The following GRM8 variants were observed in gnomAD, a reference collection of about 807,000 sequenced individuals.
The protein encoded by GRM8 is glutamate metabotropic receptor 8, also known as metabotropic glutamate receptor 8.
A neutral mutation model predicts 87.2 loss-of-function variants in GRM8; 47 were observed. That is an observed-to-expected ratio of 0.54 (90% CI 0.43 to 0.69). The LOEUF (loss-of-function observed/expected upper bound fraction) is 0.69, where lower values mean the gene tolerates loss of function less well. GRM8 is among the 30% of genes least tolerant of loss of function. GRM8 has a pLI of 0.00. For synonymous variants in GRM8, 396 were observed against 404.5 expected (o/e 0.98, Z 0.25); for missense variants, 1,019 against 1,139.2 (o/e 0.89, Z 1.52).
Position 126,863,031 on chromosome 7 carries a change from A to G in GRM8, c.1156+39511T>C, listed in dbSNP as rs79733363. 1.2e-3 allele frequency among the ~76,000 whole-genome samples: 186 copies of G among 152,028 alleles called. 1 individual carries two copies. The highest frequency in any genetic ancestry group is 4.4e-3 in the African/African-American group (181 of 41,498). On this transcript the variant is annotated intron_variant, in intron 6 of 10. Coordinates refer to ENST00000339582, the MANE Select transcript of GRM8 (RefSeq NM_000845.3). ...GAGGTTCTCTGCTATTCCTCCTCTA[A>G]CTGCTTGGGTTGAACCTTCTTTTAT...
chr7:126,655,471 T>C (rs916061336), intron 7 of GRM8, among the ~76,000 whole-genome samples: 1 of 150,418 alleles, frequency 6.6e-6, no homozygotes, highest in African/African-American at 2.4e-5. Context: ...ATTATGGTCT[T>C]TCTCTCTCTC....
At chr7:126,531,010 T>G (rs58840137) in intron 9 of GRM8, among the ~76,000 whole-genome samples, 2,074 of 152,274 alleles carry the variant, frequency 0.014, 52 homozygotes, top group African/African-American at 0.047. Flanking sequence ...GATAGGGTCT[T>G]GTTATGTTTC....
chr7:127,097,094 A>C (rs751680345), intron 3 of GRM8, among the ~76,000 whole-genome samples: 4 of 152,128 alleles, frequency 2.6e-5, no homozygotes, highest in South Asian at 2.1e-4. Context: ...GGATCTTTCC[A>C]CTAAGAAAAA....
chr7:126,771,845 T>C (rs1818873961), intron 6 of GRM8, among the ~76,000 whole-genome samples: 1 of 152,082 alleles, frequency 6.6e-6, no homozygotes, highest in Admixed American at 6.6e-5. Context: ...ACAGGGAAGA[T>C]TACTTCTCAA....
intron 2 of GRM8, among the ~76,000 whole-genome samples, chr7:127,232,205 G>A (rs1237389243): frequency 6.8e-6 from 1 of 147,238 alleles, no homozygotes; most frequent in Non-Finnish European, 1.5e-5. Context: ...GTGTGTGTGT[G>A]TGTGTGTGAG....
chr7:127,119,518 G>GCACACA (rs1478056417), intron 2 of GRM8, among the ~76,000 whole-genome samples: 1 of 144,280 alleles, frequency 6.9e-6, no homozygotes, highest in African/African-American at 2.7e-5. Context: ...ACACACACAT[G>GCACACA]CACACACACA....
intron 9 of GRM8, among the ~76,000 whole-genome samples, chr7:126,485,983 C>A (rs1807308512): frequency 6.6e-6 from 1 of 151,964 alleles, no homozygotes; most frequent in Non-Finnish European, 1.5e-5. Flanking sequence ...AGTCACGTAC[C>A]TCTACACTTG....
At chr7:127,026,870 C>G (rs1816835579) in intron 3 of GRM8, among the ~76,000 whole-genome samples, 2 of 151,988 alleles carry the variant, frequency 1.3e-5, no homozygotes, top group African/African-American at 4.8e-5. Flanking sequence ...TGGCTTTTGT[C>G]ATCATTGCTT....
rs183142759 is a variant in GRM8, at chr7:127,236,823, T to G, written c.510+5872A>C. Among the ~76,000 whole-genome samples, 150 of 152,362 alleles carry G rather than the reference T, an allele frequency of 9.8e-4. 3 individuals carry two copies. Among genetic ancestry groups the G allele is most frequent in the Admixed American group, 9.5e-3 (145 of 15,300 alleles). On this transcript the variant is annotated intron_variant, in intron 2 of 10. Coordinates refer to ENST00000339582, the MANE Select transcript of GRM8 (RefSeq NM_000845.3). ...TAGAGAGATATGATTTATTCATTCATTCATTATTTCTCTGACAGGCCCATG... is the reference window on the plus strand; with the variant it reads ...TAGAGAGATATGATTTATTCATTCAGTCATTATTTCTCTGACAGGCCCATG...
intron 3 of GRM8, among the ~76,000 whole-genome samples, chr7:127,101,456 C>T (rs1210003049): frequency 6.6e-6 from 1 of 152,124 alleles, no homozygotes; most frequent in African/African-American, 2.4e-5. Context: ...GGGGCAAAGC[C>T]CTCATGGCTT....
chr7:126,555,227 A>G (rs1426733106), intron 8 of GRM8, among the ~76,000 whole-genome samples: 4 of 152,246 alleles, frequency 2.6e-5, no homozygotes, highest in Non-Finnish European at 5.9e-5. Context: ...TTTATAGTCG[A>G]TCCCATGACA....
chr7:126,987,619 C>A (rs1812231934), intron 3 of GRM8, among the ~76,000 whole-genome samples: 1 of 152,060 alleles, frequency 6.6e-6, no homozygotes, highest in Non-Finnish European at 1.5e-5. Context: ...TGCCACCACG[C>A]CCGGCTAATT....
At chr7:127,000,873 C>A (rs1418562059) in intron 3 of GRM8, among the ~76,000 whole-genome samples, 1 of 151,574 alleles carries the variant, frequency 6.6e-6, no homozygotes, top group African/African-American at 2.4e-5. Flanking sequence ...TTTTACTATA[C>A]TAAAACACCC....
chr7:126,623,132 A>AAGGACTTC (rs3835342), intron 7 of GRM8, among the ~76,000 whole-genome samples: 48,288 of 151,646 alleles, frequency 0.32, 8,231 homozygotes, highest in East Asian at 0.42. Context: ...AATGTAAACT[A>AAGGACTTC]AGTTAATAAT....
chr7:126,806,106 G>C (rs951069264), intron 6 of GRM8, among the ~76,000 whole-genome samples: 5 of 152,310 alleles, frequency 3.3e-5, no homozygotes, highest in African/African-American at 1.2e-4. Context: ...CCCTCGTGGT[G>C]AGTGTTAAAG....
chr7:126,926,838 T>C (rs1329927476), intron 3 of GRM8, among the ~76,000 whole-genome samples: 3 of 152,246 alleles, frequency 2.0e-5, no homozygotes, highest in African/African-American at 4.8e-5. Context: ...CCAGCATTGG[T>C]TGGACATTCA....
intron 8 of GRM8, among the ~76,000 whole-genome samples, chr7:126,573,538 G>T (rs994627534): frequency 2.0e-5 from 3 of 151,676 alleles, no homozygotes; most frequent in Non-Finnish European, 1.5e-5. Context: ...GGGTATAAAA[G>T]ACAGCAAAAG....
At chr7:127,044,296 A>G (rs1818720799) in intron 3 of GRM8, among the ~76,000 whole-genome samples, 1 of 152,160 alleles carries the variant, frequency 6.6e-6, no homozygotes, top group Admixed American at 6.5e-5. Context: ...CCTGTTCCCC[A>G]CCATCAGGTG....
At chr7:127,209,038 G>A (rs1796068873) in intron 2 of GRM8, among the ~76,000 whole-genome samples, 1 of 152,170 alleles carries the variant, frequency 6.6e-6, no homozygotes, top group Admixed American at 6.5e-5. Flanking sequence ...ATGAAGTTCT[G>A]CTTGGTGCTG....
Sources: gnomAD v4.1 joint callset for allele counts (sites outside exome capture counted in the v4.1 genomes callset) on GRCh38, gnomAD v4.1.1 for gene constraint, MANE v1.5 for transcripts, NCBI Gene and HGNC (gene_info 2026-07-23, HGNC 2026-07-21) for gene names.